RERE: variants seen among roughly 807,000 people sequenced by gnomAD.
RERE encodes the protein arginine-glutamic acid dipeptide repeats protein.
RERE carries 40 observed loss-of-function variants against 146.1 expected under a neutral mutation model. The ratio of observed to expected loss-of-function variants is 0.27; its 90% CI spans 0.21 to 0.36. The LOEUF (loss-of-function observed/expected upper bound fraction) is 0.36. RERE is among the 10% of genes least tolerant of loss of function. RERE has a pLI of 1.00. For missense variants in RERE, 1,933 were observed against 2,138.7 expected (o/e 0.90, Z 1.90); for synonymous variants, 1,003 against 866.0 (o/e 1.16, Z -2.78).
chr1:8,671,690 T>C (rs1474821156), intron 1 of RERE, among the ~76,000 whole-genome samples: 3 of 152,162 alleles, frequency 2.0e-5, no homozygotes, highest in Non-Finnish European at 4.4e-5. Flanking sequence ...TTAATGTCCA[T>C]GTGAAAAGAG....
chr1:8,567,576 C>A (rs1646167294), intron 4 of RERE, among the ~76,000 whole-genome samples: 1 of 152,164 alleles, frequency 6.6e-6, no homozygotes, highest in African/African-American at 2.4e-5. Context: ...TTGGTAGGAA[C>A]TAAAACAGTG....
intron 8 of RERE, among the ~76,000 whole-genome samples, chr1:8,498,517 A>G (rs1645077271): frequency 6.6e-6 from 1 of 151,628 alleles, no homozygotes; most frequent in South Asian, 2.1e-4. Flanking sequence ...CCAACATGAT[A>G]AAACCCCGTC....
chr1:8,537,888 C>A (rs1356111241), intron 7 of RERE, among the ~76,000 whole-genome samples: 3 of 152,096 alleles, frequency 2.0e-5, no homozygotes, highest in Non-Finnish European at 4.4e-5. Context: ...AAGCTGTACA[C>A]TGAAATTTAA....
intron 1 of RERE, among the ~76,000 whole-genome samples, chr1:8,802,930 T>C (rs1388213674): frequency 6.6e-6 from 1 of 152,158 alleles, no homozygotes; most frequent in East Asian, 1.9e-4. Flanking sequence ...TCCCTCTCCA[T>C]CCAGCTGCCC....
intron 12 of RERE, among the ~76,000 whole-genome samples, chr1:8,374,227 G>A (rs1444199896): frequency 6.6e-6 from 1 of 152,218 alleles, no homozygotes. Flanking sequence ...CTCTTCTGGG[G>A]AAAGGCAAAG....
chr1:8,448,811 A>T (rs1303851150), intron 11 of RERE, among the ~76,000 whole-genome samples: 1 of 152,042 alleles, frequency 6.6e-6, no homozygotes, highest in African/African-American at 2.4e-5. Context: ...CCTCGGTGAC[A>T]GAGCAAGACT....
intron 1 of RERE, among the ~76,000 whole-genome samples, chr1:8,758,260 A>AT (rs1379547197): frequency 6.6e-6 from 1 of 150,704 alleles, no homozygotes; most frequent in Non-Finnish European, 1.5e-5. Flanking sequence ...AAATTTTAGT[A>AT]TTTTTTAGTA....
rs145265480 is a variant in RERE at position 8,497,440 on chromosome 1, G to C, written c.969C>G (p.Asn323Lys). Residue 323 changes from asparagine (N) to lysine (K), a missense_variant, in exon 9 of 23, where the codon AAC becomes AAG. Coordinates refer to ENST00000400908, the MANE Select transcript of RERE (RefSeq NM_001042681.2). The part of the protein sequence containing the change: ...HEELVWMPGV[N>K]DCDLLMYLRA... Reference sequence around the variant, plus strand: ...TCAAGTACATAAGGAGGTCACAGTCGTTAACTCCAGGCATCCAGACCAGTT... The same window carrying C: ...TCAAGTACATAAGGAGGTCACAGTCCTTAACTCCAGGCATCCAGACCAGTT... The C allele has an allele frequency of 1.2e-6, 2 of 1,614,014 alleles. No homozygotes were observed. Among genetic ancestry groups the C allele is most frequent in the African/African-American group, 2.7e-5 (2 of 74,910 alleles).
intron 1 of RERE, among the ~76,000 whole-genome samples, chr1:8,744,274 T>C (rs1169415211): frequency 1.3e-5 from 2 of 152,230 alleles, no homozygotes; most frequent in Admixed American, 6.5e-5. Context: ...TTCTATGTCC[T>C]GCTAAAGCAA....
At chr1:8,438,907 T>G (rs1402072081) in intron 11 of RERE, among the ~76,000 whole-genome samples, 1 of 152,190 alleles carries the variant, frequency 6.6e-6, no homozygotes, top group Middle Eastern at 3.2e-3. Flanking sequence ...ACTCTCTAAT[T>G]GATATTCTCC....
chr1:8,363,502 G>A (rs568691042), intron 15 of RERE, among the ~76,000 whole-genome samples: 2 of 152,282 alleles, frequency 1.3e-5, no homozygotes, highest in East Asian at 3.9e-4. Flanking sequence ...CCTGCCAGAA[G>A]GGGCCATAAG....
chr1:8,433,948 T>C (rs927407412), intron 11 of RERE, among the ~76,000 whole-genome samples: 1 of 152,208 alleles, frequency 6.6e-6, no homozygotes, highest in Non-Finnish European at 1.5e-5. Flanking sequence ...AGTTCTCTTT[T>C]CTGTTTCCTT....
At chr1:8,510,309 T>C (rs1020669463) in intron 7 of RERE, among the ~76,000 whole-genome samples, 6 of 151,302 alleles carry the variant, frequency 4.0e-5, no homozygotes, top group Non-Finnish European at 5.9e-5. Flanking sequence ...AAGGAGATAA[T>C]AGGCCTAGCA....
chr1:8,461,529 T>G (rs964729539), intron 11 of RERE, among the ~76,000 whole-genome samples: 2 of 152,206 alleles, frequency 1.3e-5, no homozygotes, highest in African/African-American at 2.4e-5. Context: ...CAAAATTAAT[T>G]TGCAGTATCC....
Position 8,541,221 on chromosome 1 carries a change from C to A in RERE, c.823G>T (p.Glu275Ter). 1 of 1,572,242 alleles carries A rather than the reference C, an allele frequency of 6.4e-7. No homozygotes were observed. The change falls in exon 7 of 23, where the codon GAG (glutamate) becomes TAG (stop). Residue 275 changes from glutamate to a stop codon, truncating the protein, a stop_gained. Coordinates refer to ENST00000400908, the MANE Select transcript of RERE (RefSeq NM_001042681.2). LOFTEE classifies it high-confidence loss of function. ...SFFYILGYNP[E>*]TRRLNSTQGE... ...CACAAGTGACTCACTTACCTTGTCT[C>A]AGGGTTATATCCTAATATGTAGAAA...
intron 1 of RERE, among the ~76,000 whole-genome samples, chr1:8,752,871 A>G (rs1331192710): frequency 2.0e-5 from 3 of 152,178 alleles, no homozygotes; most frequent in African/African-American, 7.2e-5. Flanking sequence ...TATTTTAATC[A>G]AAGTTCTATT....
At chr1:8,606,057 C>A (rs891288552) in intron 4 of RERE, among the ~76,000 whole-genome samples, 5 of 151,908 alleles carry the variant, frequency 3.3e-5, no homozygotes, top group Non-Finnish European at 7.4e-5. Flanking sequence ...TTCAAGCAAT[C>A]CTCCAGTCTT....
intron 1 of RERE, among the ~76,000 whole-genome samples, chr1:8,681,867 C>CT (rs1638980083): frequency 6.6e-6 from 1 of 152,086 alleles, no homozygotes; most frequent in Admixed American, 6.6e-5. Flanking sequence ...GAAATTGATT[C>CT]TTTTATATCC....
At chr1:8,609,524 T>C (rs1646765065) in intron 4 of RERE, among the ~76,000 whole-genome samples, 1 of 152,132 alleles carries the variant, frequency 6.6e-6, no homozygotes, top group African/African-American at 2.4e-5. Flanking sequence ...TAAAAAGCAA[T>C]CTCTCATGAT....
Sources: gnomAD v4.1 joint callset for allele counts (sites outside exome capture counted in the v4.1 genomes callset) on GRCh38, gnomAD v4.1.1 for gene constraint, MANE v1.5 for transcripts, NCBI Gene and HGNC (gene_info 2026-07-23, HGNC 2026-07-21) for gene names.